The following CAGE1 variants were observed in gnomAD, a reference collection of about 807,000 sequenced individuals.
CAGE1 encodes cancer antigen 1.
Under a neutral mutation model 94.9 loss-of-function variants are expected in CAGE1, and 66 were observed. The ratio of observed to expected loss-of-function variants is 0.70; its 90% CI spans 0.57 to 0.85. The LOEUF is 0.85. Ranked by LOEUF, CAGE1 falls within the 40% of genes least tolerant of loss-of-function variation. The probability of loss-of-function intolerance (pLI) is 0.00; values close to 1 mark genes in which losing one functional copy is unlikely to be tolerated. For missense variants in CAGE1, 865 were observed against 950.4 expected, an observed-to-expected ratio of 0.91 and a Z score of 1.18; for synonymous variants, 319 against 321.0, an observed-to-expected ratio of 0.99 and a Z score of 0.07.
chr6:7,345,223 T>C (rs2465475), intron 11 of CAGE1, among the ~76,000 whole-genome samples: 82,385 of 151,884 alleles, frequency 0.54, 24,488 homozygotes, highest in African/African-American at 0.8. Flanking sequence ...TAGTATAAGC[T>C]ACCAGCCTAC....
At chr6:7,372,906 AG>A (rs1760591408) in intron 5 of CAGE1, among the ~76,000 whole-genome samples, 166 bp downstream of exon 5, 1 of 152,116 alleles carries the variant, frequency 6.6e-6, no homozygotes, top group Admixed American at 6.6e-5. Flanking sequence ...TCAAACTCCT[AG>A]CCTCAAGAGA....
chr6:7,345,902 G>T (rs911298306), intron 11 of CAGE1, among the ~76,000 whole-genome samples: 1 of 152,124 alleles, frequency 6.6e-6, no homozygotes, highest in African/African-American at 2.4e-5. Flanking sequence ...TCCAGCCTGG[G>T]TGACAGAACG....
intron 9 of CAGE1, among the ~76,000 whole-genome samples, chr6:7,356,615 G>C (rs1199652167): frequency 1.3e-5 from 2 of 151,986 alleles, no homozygotes; most frequent in East Asian, 3.8e-4. Flanking sequence ...TCTGACCTAT[G>C]GTCCAATTTT....
In CAGE1 at chr6:7,378,839, ATTGTTGTC is replaced by A. The variant is rs1420713272; in HGVS notation, c.457_464del (p.Asp153TyrfsTer7). The A allele has an allele frequency of 1.2e-6, 2 of 1,612,930 alleles. No homozygotes were observed. Among genetic ancestry groups the A allele is most frequent in the Non-Finnish European group, 1.7e-6 (2 of 1,179,360 alleles). On this transcript the variant is annotated frameshift_variant, in exon 4 of 14. Transcript: ENST00000502583. LOFTEE classifies it high-confidence loss of function. ...CTTCCTTAAATGAGTCTTGCTTTAT[ATTGTTGTC>A]TTTTGCATAATTATACACTTGACTT...
intron 11 of CAGE1, chr6:7,338,714 C>T (rs1191289236): frequency 3.1e-6 from 2 of 653,746 alleles, no homozygotes; most frequent in Non-Finnish European, 5.5e-6. Context: ...CCCTTCCACT[C>T]TTTCCCCCAA....
chr6:7,341,305 A>C, intron 11 of CAGE1: 1 of 673,636 alleles, frequency 1.5e-6, no homozygotes, highest in South Asian at 1.5e-5. Context: ...CCAAAGAGGA[A>C]GCCAGAGATG....
In CAGE1 at chr6:7,385,875, G is replaced by T. The variant is rs748081537; in HGVS notation, c.196-3C>A. On this transcript the variant is annotated splice_polypyrimidine_tract_variant and splice_region_variant and intron_variant, in intron 2 of 13. Transcript: ENST00000502583. ...CTTTCAAAATTCTTTATTTCGTTCT[G>T]TATTAATAAAAAAGGCATCAATACT... is the stretch of plus-strand genomic sequence containing the variant. 18 of 1,495,374 alleles carry T rather than the reference G, an allele frequency of 1.2e-5. No individual in the cohort carries two copies. The Admixed American group carries it at 3.9e-4, about 32-fold the overall frequency. The allele number at this position is 1,495,374 out of a possible 1,614,324, so 92.6% of individuals were successfully genotyped here.
intron 11 of CAGE1, among the ~76,000 whole-genome samples, chr6:7,336,187 A>C (rs1449933668): frequency 6.6e-6 from 1 of 152,238 alleles, no homozygotes; most frequent in South Asian, 2.1e-4. Flanking sequence ...ACATGGAATA[A>C]ATCTTCTGTA....
chr6:7,384,060 T>C (rs1445303358), intron 3 of CAGE1, among the ~76,000 whole-genome samples: 7 of 152,164 alleles, frequency 4.6e-5, no homozygotes, highest in Non-Finnish European at 8.8e-5. Flanking sequence ...AAAGTACATA[T>C]TTGCAAATAA....
At chr6:7,327,925 C>A (rs1256444268) in intron 13 of CAGE1, among the ~76,000 whole-genome samples, 1 of 112,938 alleles carries the variant, frequency 8.9e-6, no homozygotes, top group South Asian at 2.8e-4. Context: ...AGTGAAACTC[C>A]GTCTAAAAAA....
chr6:7,368,596 G>C, intron 7 of CAGE1, 92 bp downstream of exon 7: 2 of 632,886 alleles, frequency 3.2e-6, no homozygotes, highest in Non-Finnish European at 5.1e-6. Context: ...TTTTTAAAAT[G>C]ATTCCAACTT....
chr6:7,365,548 T>C lies in CAGE1; in HGVS notation c.2113A>G (p.Lys705Glu). 1 of 1,610,990 alleles carries C rather than the reference T, an allele frequency of 6.2e-7. No individual in the cohort carries two copies. The highest frequency in any genetic ancestry group is 8.5e-7 in the Non-Finnish European group (1 of 1,177,518). Residue 705 changes from lysine (K) to glutamate (E), a missense_variant, in exon 9 of 14, where the codon AAG (lysine) becomes GAG (glutamate). By Grantham distance (56) the Lys-to-Glu change is moderately conservative (BLOSUM62 1). Coordinates refer to ENST00000502583, the MANE Select transcript of CAGE1 (RefSeq NM_001170692.2). ...KVIDCDSDEA[K>E]SIRDVPTLLG... ...AGGGTAGGTACATCTCTGATACTCT[T>C]GGCTTCATCTGAATCACAGTCTATG...
intron 11 of CAGE1, among the ~76,000 whole-genome samples, chr6:7,352,689 A>C (rs1403048468): frequency 1.3e-5 from 2 of 152,248 alleles, no homozygotes; most frequent in African/African-American, 4.8e-5. Flanking sequence ...TCTGGTATAA[A>C]AATAGGCACA....
At chr6:7,352,783 A>T (rs1275175712) in intron 11 of CAGE1, among the ~76,000 whole-genome samples, 2 of 152,236 alleles carry the variant, frequency 1.3e-5, no homozygotes, top group Non-Finnish European at 2.9e-5. Flanking sequence ...AAACAAAAAC[A>T]TAAAGTGGGG....
At chr6:7,382,449 G>A (rs1048820812) in intron 3 of CAGE1, among the ~76,000 whole-genome samples, 16 of 151,782 alleles carry the variant, frequency 1.1e-4, no homozygotes, top group Non-Finnish European at 1.9e-4. Flanking sequence ...CTACAGGCAC[G>A]CGCCACTATG....
chr6:7,333,479 A>C (rs941124588), intron 12 of CAGE1, among the ~76,000 whole-genome samples: 6 of 152,064 alleles, frequency 3.9e-5, no homozygotes, highest in African/African-American at 1.4e-4. Context: ...AAAGCAGGGA[A>C]TCTGGCTTTC....
At chr6:7,341,993 G>C (rs1759194672) in intron 11 of CAGE1, 2 of 769,322 alleles carry the variant, frequency 2.6e-6, no homozygotes, top group Non-Finnish European at 4.8e-6. Context: ...CTGGTGCCAA[G>C]GTTAACGAAG....
At chr6:7,353,540 A>C (rs1175950734) in intron 11 of CAGE1, among the ~76,000 whole-genome samples, 1 of 152,128 alleles carries the variant, frequency 6.6e-6, no homozygotes, top group African/African-American at 2.4e-5. Flanking sequence ...CAACCCCAAT[A>C]CTGGGTATCT....
At chr6:7,346,857 CAA>C (rs71780305) in intron 11 of CAGE1, among the ~76,000 whole-genome samples, 14 of 119,824 alleles carry the variant, frequency 1.2e-4, no homozygotes, top group African/African-American at 3.1e-4. Context: ...GACTCTATCT[CAA>C]AAAAAAAAAA....
Sources: gnomAD v4.1 joint callset for allele counts (sites outside exome capture counted in the v4.1 genomes callset) on GRCh38, gnomAD v4.1.1 for gene constraint, MANE v1.5 for transcripts, NCBI Gene and HGNC (gene_info 2026-07-23, HGNC 2026-07-21) for gene names.